The following ALG13 variants were observed in gnomAD, a reference collection of about 807,000 sequenced individuals.
ALG13 encodes UDP-N-acetylglucosamine transferase subunit ALG13.
A neutral mutation model predicts 87.8 loss-of-function variants in ALG13; 11 were observed. The ratio of observed to expected loss-of-function variants is 0.13; its 90% confidence interval spans 0.08 to 0.21. The LOEUF (loss-of-function observed/expected upper bound fraction) is 0.21, where lower values mean the gene tolerates loss of function less well. Among genes scored for constraint, ALG13 ranks in the 10% least tolerant of loss-of-function variants. The pLI, the probability that ALG13 is intolerant of heterozygous loss-of-function variation, is 1.00. For synonymous variants in ALG13, 320 were observed against 306.3 expected, an observed-to-expected ratio of 1.04 and a Z score of -0.47; for missense variants, 756 against 866.1, an observed-to-expected ratio of 0.87 and a Z score of 1.60.
chrX:111,712,417 G>A, intron 6 of ALG13, 67 bp from the exon 7 acceptor site: 2 of 705,270 alleles, frequency 2.8e-6, no homozygotes, highest in Admixed American at 3.1e-5. Context: ...AAAATTTGTT[G>A]TGCTTGAAAA....
At chrX:111,752,732 GAT>G (rs2148473391) in intron 24 of ALG13, 56 bp from the exon 25 acceptor site, 1 of 919,724 alleles carries the variant, frequency 1.1e-6, no homozygotes, top group Non-Finnish European at 1.5e-6. Context: ...GCTTTTAAAA[GAT>G]AATTCTAATT....
At position 111,712,543 on chromosome X, in the gene ALG13, C is replaced by T. The variant is rs895636270; in HGVS notation, c.932+13C>T. ...CTCTAATTTATAAGTAAGTTATATC[C>T]TCTTTTCTTTGAGAGTGGGTATGTG... On this transcript the variant is annotated intron_variant, in intron 7 of 26. Transcript: ENST00000394780. 1 of 1,118,793 alleles carries T rather than the reference C, an allele frequency of 8.9e-7. No individual in the cohort carries two copies. The highest frequency in any genetic ancestry group is 1.2e-6 in the Non-Finnish European group (1 of 826,863). The allele number at this position is 1,118,793 out of a possible 1,213,427, so 92.2% of individuals were successfully genotyped here.
At chrX:111,684,875 T>C (rs1934530736) in intron 2 of ALG13, 90 bp from the exon 3 acceptor site, 1 of 930,492 alleles carries the variant, frequency 1.1e-6, no homozygotes, top group Admixed American at 3.2e-5. Flanking sequence ...TCAACTTAAG[T>C]TTTTTAACTT....
intron 25 of ALG13, among the ~76,000 whole-genome samples, chrX:111,756,976 C>T (rs189521191): frequency 1.5e-4 from 17 of 111,867 alleles, no homozygotes; most frequent in African/African-American, 3.9e-4. Context: ...CCTTTTACAT[C>T]ATAGAATACC....
intron 25 of ALG13, among the ~76,000 whole-genome samples, chrX:111,755,511 G>A (rs1945158787): frequency 8.9e-6 from 1 of 112,324 alleles, no homozygotes; most frequent in Admixed American, 9.4e-5. Context: ...CAGAATGGGA[G>A]AAAAGTTTTG....
At position 111,734,655 on chromosome X, in the gene ALG13, TA is replaced by T. The variant is rs199516378; in HGVS notation, c.2458-392del. ...CAATATCTATTAAATCCCGCTTAGA[TA>T]AAACGCAACTGAATAACCAGTTTAC... On this transcript the variant is annotated intron_variant, in intron 21 of 26. Coordinates refer to ENST00000394780, the MANE Select transcript of ALG13 (RefSeq NM_001099922.3). Among the ~76,000 whole-genome samples, 645 of 112,207 alleles carry T rather than the reference TA, an allele frequency of 5.7e-3. 1 individual carries two copies. Among genetic ancestry groups the T allele is most frequent in the Middle Eastern group, 0.032 (7 of 218 alleles).
chrX:111,743,655 T>C (rs938616044), intron 23 of ALG13: 1 of 111,841 alleles, frequency 8.9e-6, no homozygotes, highest in Non-Finnish European at 1.9e-5. Context: ...ATGGAAACAA[T>C]GTGGATTATG....
At chrX:111,708,849 A>G (rs770470829) in intron 4 of ALG13, 116 bp from the exon 5 acceptor site, 4 of 441,841 alleles carry the variant, frequency 9.1e-6, no homozygotes, top group South Asian at 8.4e-5. Flanking sequence ...TAATTTCCCA[A>G]TTTCCTACAT....
chrX:111,696,300 T>C (rs913705210), intron 3 of ALG13, among the ~76,000 whole-genome samples: 1 of 111,832 alleles, frequency 8.9e-6, no homozygotes, highest in African/African-American at 3.2e-5. Flanking sequence ...TTTTACCACC[T>C]AAAGTCTGTT....
chrX:111,726,773 T>C, intron 15 of ALG13, 36 bp from the exon 16 acceptor site: 1 of 1,207,644 alleles, frequency 8.3e-7, no homozygotes. Context: ...GCTTTGATTA[T>C]GAAGCTTATT....
intron 5 of ALG13, 76 bp from the exon 6 acceptor site, chrX:111,711,599 C>T: frequency 2.1e-6 from 2 of 967,993 alleles, no homozygotes; most frequent in Admixed American, 5.2e-5. Context: ...AAACGCATTG[C>T]AGGATAATGT....
Position 111,750,924 on chromosome X carries a change from C to G in ALG13, c.2933-1866C>G, listed in dbSNP as rs753278467. Among the ~76,000 whole-genome samples, 29 of 110,454 alleles carry G rather than the reference C, an allele frequency of 2.6e-4. 1 individual carries two copies. The highest frequency in any genetic ancestry group is 2.1e-3 in the Admixed American group (22 of 10,263). On this transcript the variant is annotated intron_variant, in intron 24 of 26. Coordinates refer to ENST00000394780, the MANE Select transcript of ALG13 (RefSeq NM_001099922.3). The stretch of plus-strand genomic sequence containing the variant: ...CCTCAAGTGGTTCGCCTGCCTTGGC[C>G]TCCCAGAGTGCTGAGATTACAGGCG...
chrX:111,754,674 A>G (rs1342914148), intron 25 of ALG13, among the ~76,000 whole-genome samples: 2 of 111,874 alleles, frequency 1.8e-5, no homozygotes, highest in African/African-American at 3.2e-5. Flanking sequence ...CCCATTCACA[A>G]TTGCTACAAA....
At chrX:111,713,190 A>T (rs1940074034) in intron 7 of ALG13, 35 bp from the exon 8 acceptor site, 1 of 1,015,535 alleles carries the variant, frequency 9.8e-7, no homozygotes, top group Non-Finnish European at 1.4e-6. Context: ...ATGCCAAATT[A>T]TGTCTTCCCA....
intron 3 of ALG13, among the ~76,000 whole-genome samples, chrX:111,694,050 TA>T (rs937224633): frequency 1.8e-5 from 2 of 108,209 alleles, no homozygotes; most frequent in African/African-American, 3.6e-5. Flanking sequence ...TTTATTTATT[TA>T]TTTTTTTTTT....
intron 24 of ALG13, among the ~76,000 whole-genome samples, chrX:111,751,285 T>C (rs1356517747): frequency 3.6e-5 from 4 of 110,521 alleles, no homozygotes; most frequent in African/African-American, 1.3e-4. Context: ...GCCAGAATGG[T>C]CTCGATCTCC....
At chrX:111,688,237 A>G in intron 3 of ALG13, 1 of 775,161 alleles carries the variant, frequency 1.3e-6, no homozygotes, top group Non-Finnish European at 1.5e-6. Flanking sequence ...GTGAGCATTC[A>G]CAGGTTTTCT....
At chrX:111,713,199 C>G (rs770453675) in intron 7 of ALG13, 26 bp from the exon 8 acceptor site, 1 of 1,092,959 alleles carries the variant, frequency 9.1e-7, no homozygotes, top group Non-Finnish European at 1.3e-6. Flanking sequence ...TATGTCTTCC[C>G]ACTTACCTTT....
At chrX:111,723,340 G>A (rs1488792646) in intron 13 of ALG13, among the ~76,000 whole-genome samples, 2 of 109,277 alleles carry the variant, frequency 1.8e-5, no homozygotes, top group Non-Finnish European at 3.8e-5. Context: ...TGGTTCCACC[G>A]TGTTAGCCAG....
Sources: allele counts gnomAD v4.1 joint callset (sites outside exome capture counted in the v4.1 genomes callset), GRCh38; gene constraint gnomAD v4.1.1; transcripts MANE v1.5; gene names NCBI Gene and HGNC (gene_info 2026-07-23, HGNC 2026-07-21).